SAMMSON: variants seen among roughly 807,000 people sequenced by gnomAD.
The protein encoded by SAMMSON is survival associated mitochondrial melanoma specific oncogenic non-coding RNA, also known as long intergenic non-protein coding RNA 1212.
At chr3:70,125,977 G>A (rs2106670566) in intron 4 of SAMMSON, 1 of 798,202 alleles carries the variant, frequency 1.3e-6, no homozygotes, top group East Asian at 2.7e-5. Context: ...TGGATGCAAT[G>A]GCATATGGTC....
At chr3:70,262,207 A>G (rs925392276) in intron 6 of SAMMSON, among the ~76,000 whole-genome samples, 2 of 152,338 alleles carry the variant, frequency 1.3e-5, no homozygotes, top group Admixed American at 6.5e-5. Flanking sequence ...AAATCATATG[A>G]TGAAAGGATG....
At chr3:70,111,376 G>A (rs1002162627) in intron 4 of SAMMSON, among the ~76,000 whole-genome samples, 3 of 152,172 alleles carry the variant, frequency 2.0e-5, no homozygotes, top group Non-Finnish European at 4.4e-5. Context: ...GATAGCAGAC[G>A]TATGCATAGT....
chr3:70,349,821 T>C (rs1387266942), intron 7 of SAMMSON, among the ~76,000 whole-genome samples: 1 of 152,194 alleles, frequency 6.6e-6, no homozygotes, highest in African/African-American at 2.4e-5. Flanking sequence ...GCTAGACCAC[T>C]CAACAATAAT....
intron 4 of SAMMSON, among the ~76,000 whole-genome samples, chr3:70,089,743 T>C (rs985167294): frequency 7.2e-5 from 11 of 152,136 alleles, no homozygotes; most frequent in Non-Finnish European, 1.0e-4. Context: ...TCAAAAAATA[T>C]AGTTATTCTT....
In SAMMSON at chr3:70,040,361, A is replaced by C. The variant is rs144978975; in HGVS notation, n.417+26689A>C. 1.8e-4 allele frequency among the ~76,000 whole-genome samples: 27 copies of C among 152,280 alleles called. 1 individual carries two copies. The East Asian group carries it at 5.0e-3, about 28-fold the overall frequency. ...ATTCAACCTGTTCTCTAATGTGGCA[A>C]CTACGGTGCAGAAAGGTTAAGACAT... On this transcript the variant is annotated intron_variant and non_coding_transcript_variant, in intron 3 of 9. Transcript: ENST00000642114.
At chr3:70,128,868 G>C (rs2067469340) in intron 4 of SAMMSON, among the ~76,000 whole-genome samples, 1 of 152,126 alleles carries the variant, frequency 6.6e-6, no homozygotes, top group Non-Finnish European at 1.5e-5. Flanking sequence ...TTTTTGCCTG[G>C]TATATCTGGT....
chr3:70,009,642 G>A (rs959488082), intron 1 of SAMMSON, among the ~76,000 whole-genome samples: 1 of 151,648 alleles, frequency 6.6e-6, no homozygotes, highest in East Asian at 1.9e-4. Context: ...ATTCCCTTCA[G>A]TTCTGCTCTG....
At chr3:70,422,434 T>TA (rs1035695381) in intron 2 of SAMMSON, among the ~76,000 whole-genome samples, 4 of 152,166 alleles carry the variant, frequency 2.6e-5, no homozygotes, top group Non-Finnish European at 5.9e-5. Flanking sequence ...GTCTCTGATT[T>TA]AAAAAAATCT....
chr3:70,088,643 G>A (rs545544999), intron 4 of SAMMSON, among the ~76,000 whole-genome samples: 8 of 152,280 alleles, frequency 5.3e-5, no homozygotes, highest in East Asian at 3.9e-4. Flanking sequence ...ATGAGCTATC[G>A]TCATTCAGTA....
chr3:70,124,408 G>A (rs1216740601), intron 4 of SAMMSON, among the ~76,000 whole-genome samples: 7 of 152,094 alleles, frequency 4.6e-5, no homozygotes, highest in Admixed American at 3.3e-4. Context: ...AAGCTTGTTC[G>A]GTAATTAGGT....
chr3:70,405,091 G>T (rs780474328), intron 2 of SAMMSON, among the ~76,000 whole-genome samples: 5 of 152,138 alleles, frequency 3.3e-5, no homozygotes, highest in African/African-American at 4.8e-5. Context: ...GCTCTCATAG[G>T]CTGGGAGATA....
intron 9 of SAMMSON, among the ~76,000 whole-genome samples, chr3:70,375,492 G>C (rs980658343): frequency 4.6e-5 from 7 of 151,012 alleles, no homozygotes; most frequent in Admixed American, 4.0e-4. Flanking sequence ...TGAGTGAGTT[G>C]GCTATTTGCA....
chr3:70,397,790 A>T (rs961973916), intron 2 of SAMMSON, among the ~76,000 whole-genome samples: 17 of 152,304 alleles, frequency 1.1e-4, no homozygotes, highest in Middle Eastern at 3.4e-3. Context: ...CATCAGGAAA[A>T]GAGAAGTCAT....
intron 9 of SAMMSON, among the ~76,000 whole-genome samples, chr3:70,362,399 C>T (rs1702879072): frequency 6.6e-6 from 1 of 152,128 alleles, no homozygotes; most frequent in Non-Finnish European, 1.5e-5. Flanking sequence ...GAGCCCAGAA[C>T]ACGTATGTCT....
intron 4 of SAMMSON, among the ~76,000 whole-genome samples, chr3:70,152,492 ATTTTTC>A (rs905747852): frequency 6.6e-6 from 1 of 151,830 alleles, no homozygotes; most frequent in Non-Finnish European, 1.5e-5. Context: ...GGTTTTTATA[ATTTTTC>A]TTTTACTTTT....
intron 3 of SAMMSON, among the ~76,000 whole-genome samples, chr3:70,035,426 C>G (rs139532009): frequency 2.6e-3 from 401 of 152,254 alleles, no homozygotes; most frequent in African/African-American, 9.1e-3. Flanking sequence ...TGATCAGTAA[C>G]TTTAGTACAC....
intron 4 of SAMMSON, among the ~76,000 whole-genome samples, chr3:70,153,137 G>A (rs1276788277): frequency 6.6e-6 from 1 of 151,968 alleles, no homozygotes; most frequent in Non-Finnish European, 1.5e-5. Flanking sequence ...ATCCCAAGGT[G>A]AGGGGCGTTA....
chr3:70,018,234 A>C (rs955991515), intron 3 of SAMMSON, among the ~76,000 whole-genome samples: 7 of 151,960 alleles, frequency 4.6e-5, no homozygotes, highest in African/African-American at 1.4e-4. Context: ...TTGTTGGTAA[A>C]CTATTAATTA....
upstream of SAMMSON, chr3:69,999,789 CAGGT>C (rs1320492223): frequency 6.6e-6 from 1 of 152,448 alleles, no homozygotes; most frequent in Admixed American, 6.5e-5. Flanking sequence ...GAAGAAGACA[CAGGT>C]GGCTGGTCAT....
Sources: gnomAD v4.1 joint callset for allele counts (sites outside exome capture counted in the v4.1 genomes callset) on GRCh38, gnomAD v4.1.1 for gene constraint, MANE v1.5 for transcripts, NCBI Gene and HGNC (gene_info 2026-07-23, HGNC 2026-07-21) for gene names.